The following SLC26A7 variants were observed in gnomAD, a reference collection of about 807,000 sequenced individuals.
SLC26A7 encodes solute carrier family 26 member 7.
In SLC26A7, 59 loss-of-function variants were observed where a neutral mutation model predicts 82.5. The observed-to-expected ratio is 0.72, with a 90% CI of 0.58 to 0.89. SLC26A7 has a LOEUF of 0.89. Ranked by LOEUF, SLC26A7 falls within the 40% of genes least tolerant of loss-of-function variation. The pLI is 0.00. For synonymous variants in SLC26A7, 271 were observed against 274.3 expected, an observed-to-expected ratio of 0.99 and a Z score of 0.12; for missense variants, 820 against 793.0, an observed-to-expected ratio of 1.03 and a Z score of -0.41.
intron 4 of SLC26A7, among the ~76,000 whole-genome samples, chr8:91,313,647 C>G (rs1039479179): frequency 6.6e-6 from 1 of 152,144 alleles, no homozygotes; most frequent in Admixed American, 6.6e-5. Flanking sequence ...CTTCATGGTC[C>G]TGGTTAACAG....
intron 2 of SLC26A7, among the ~76,000 whole-genome samples, chr8:91,227,050 T>C (rs1190077736): frequency 6.6e-6 from 1 of 152,234 alleles, no homozygotes; most frequent in Non-Finnish European, 1.5e-5. Flanking sequence ...CACTGATTAA[T>C]TAAATTAGAA....
chr8:91,344,952 C>CT lies in SLC26A7; in HGVS notation c.1140+1496dup, dbSNP rs373035121. Reference sequence around the variant, plus strand: ...ATAGCAGTTTTTTTTTTCTTTTTTTCTTTTTTTTTTGGCAGAGTCTTGCTC... The same window carrying CT: ...ATAGCAGTTTTTTTTTTCTTTTTTTCTTTTTTTTTTTGGCAGAGTCTTGCTC... On this transcript the variant is annotated intron_variant, in intron 9 of 18. Coordinates refer to ENST00000276609, the MANE Select transcript of SLC26A7 (RefSeq NM_052832.4). Among the ~76,000 whole-genome samples, 178 of 142,640 alleles carry CT rather than the reference C, an allele frequency of 1.2e-3. 2 individuals are homozygous for CT. The highest frequency in any genetic ancestry group is 3.3e-3 in the South Asian group (15 of 4,492). 93.6% of individuals were successfully genotyped at this position (142,640 alleles called of 152,430 possible). A position where few individuals can be genotyped will look rare whatever the true frequency, so the allele number is the denominator to read the frequency against.
chr8:91,277,374 C>T (rs1223137726), intron 2 of SLC26A7, among the ~76,000 whole-genome samples: 1 of 152,174 alleles, frequency 6.6e-6, no homozygotes, highest in Non-Finnish European at 1.5e-5. Context: ...ACTGCATCCC[C>T]ATTTGCATAT....
chr8:91,312,821 C>G (rs944908813), intron 4 of SLC26A7, among the ~76,000 whole-genome samples: 1 of 152,042 alleles, frequency 6.6e-6, no homozygotes. Context: ...TATACACATC[C>G]TTTGCCCGTT....
chr8:91,234,831 CCTTCCTTCCTTCCTTCCT>C (rs1810369189), intron 2 of SLC26A7, among the ~76,000 whole-genome samples: 5 of 100,498 alleles, frequency 5.0e-5, no homozygotes, highest in South Asian at 4.5e-4. Flanking sequence ...CTACCTACTT[CCTTCCTTCCTTCCTTCCT>C]TCCTTCCTTC....
intron 2 of SLC26A7, among the ~76,000 whole-genome samples, chr8:91,232,799 A>G (rs544785918): frequency 6.6e-5 from 10 of 152,220 alleles, no homozygotes; most frequent in Admixed American, 3.9e-4. Flanking sequence ...ATACACCTCT[A>G]TGAAGCTTCA....
In SLC26A7 at chr8:91,395,214, A is replaced by G. The variant is rs1808535582; in HGVS notation, c.*117A>G. ...CCTACAGATGACCTCTGCTACAATA[A>G]GTACGATGTGACTTAGTAACTGCAT... On this transcript the variant is annotated 3_prime_UTR_variant, in exon 19 of 19. Transcript: ENST00000276609. 6.5e-7 allele frequency: 1 copy of G among 1,537,698 alleles called. No individual in the cohort carries two copies. The highest frequency in any genetic ancestry group is 1.4e-5 in the African/African-American group (1 of 72,236).
At chr8:91,343,292 C>T in intron 8 of SLC26A7, 61 bp from the exon 9 acceptor site, 1 of 1,046,834 alleles carries the variant, frequency 9.6e-7, no homozygotes, top group Non-Finnish European at 1.4e-6. Context: ...CAAATTGTAC[C>T]TGTGGTCTCT....
chr8:91,295,411 G>A lies in SLC26A7; in HGVS notation c.305-120G>A, dbSNP rs1220454831. 3 of 1,107,968 alleles carry A rather than the reference G, an allele frequency of 2.7e-6. No individual in the cohort carries two copies. In the African/African-American group the frequency reaches 4.7e-5, roughly 17 times the overall value. 68.6% of individuals were successfully genotyped at this position (1,107,968 alleles called of 1,614,324 possible). A position where few individuals can be genotyped will look rare whatever the true frequency, so the allele number is the denominator to read the frequency against. On this transcript the variant is annotated intron_variant, in intron 3 of 18. Transcript: ENST00000276609. ...GGAGAAGCAAGGCCACAGAGGAGGG[G>A]ACAGTGTTTCTAATAGATCTGTTTG...
intron 2 of SLC26A7, chr8:91,219,325 C>T (rs186395750): frequency 1.0e-4 from 19 of 183,858 alleles, no homozygotes; most frequent in African/African-American, 2.8e-4. Context: ...GAGACTTTGA[C>T]GGGGAAAAGT....
At chr8:91,303,964 C>G (rs1429645064) in intron 4 of SLC26A7, among the ~76,000 whole-genome samples, 4 of 152,142 alleles carry the variant, frequency 2.6e-5, no homozygotes, top group African/African-American at 9.7e-5. Context: ...CTAAATCTTT[C>G]CATCTGTGTT....
At chr8:91,385,435 T>C (rs1325851557) in intron 15 of SLC26A7, among the ~76,000 whole-genome samples, 1 of 152,228 alleles carries the variant, frequency 6.6e-6, no homozygotes, top group Non-Finnish European at 1.5e-5. Flanking sequence ...TCCATTGTAT[T>C]TAAATTTTCA....
intron 4 of SLC26A7, among the ~76,000 whole-genome samples, chr8:91,313,911 T>G (rs979764421): frequency 1.3e-5 from 2 of 152,232 alleles, no homozygotes; most frequent in African/African-American, 4.8e-5. Flanking sequence ...TACTCTTTGT[T>G]ATTTTTAAAT....
intron 2 of SLC26A7, among the ~76,000 whole-genome samples, chr8:91,219,426 T>A (rs956438214): frequency 6.6e-6 from 1 of 152,164 alleles, no homozygotes; most frequent in Non-Finnish European, 1.5e-5. Context: ...TTTGAGGCAC[T>A]AATATCTACT....
At chr8:91,221,688 T>G (rs1810162766) in intron 2 of SLC26A7, among the ~76,000 whole-genome samples, 1 of 152,018 alleles carries the variant, frequency 6.6e-6, no homozygotes, top group Non-Finnish European at 1.5e-5. Flanking sequence ...TGTAGATGTG[T>G]GGTATTATTT....
At chr8:91,360,509 T>A (rs780351610) in intron 11 of SLC26A7, among the ~76,000 whole-genome samples, 13 of 152,226 alleles carry the variant, frequency 8.5e-5, no homozygotes, top group Non-Finnish European at 1.9e-4. Flanking sequence ...GTTATTAATT[T>A]CCATTTGATA....
chr8:91,355,971 T>C (rs570994355), intron 11 of SLC26A7, among the ~76,000 whole-genome samples: 1 of 152,190 alleles, frequency 6.6e-6, no homozygotes, highest in East Asian at 1.9e-4. Context: ...AGTGAGAACA[T>C]ACAGTGTTTG....
At chr8:91,293,763 A>G (rs1811940763) in intron 3 of SLC26A7, among the ~76,000 whole-genome samples, 2 of 152,212 alleles carry the variant, frequency 1.3e-5, no homozygotes, top group Non-Finnish European at 2.9e-5. Context: ...CAATTTGTTC[A>G]GTGGCTTTTG....
At chr8:91,261,062 G>C (rs1426856473) in intron 2 of SLC26A7, among the ~76,000 whole-genome samples, 3 of 152,114 alleles carry the variant, frequency 2.0e-5, no homozygotes, top group Non-Finnish European at 4.4e-5. Flanking sequence ...CCACAAACCA[G>C]TTACCACAGG....
Sources: gnomAD v4.1 joint callset for allele counts (sites outside exome capture counted in the v4.1 genomes callset) on GRCh38, gnomAD v4.1.1 for gene constraint, MANE v1.5 for transcripts, NCBI Gene and HGNC (gene_info 2026-07-23, HGNC 2026-07-21) for gene names.